SENP5: variants seen among roughly 807,000 people sequenced by gnomAD.
The protein encoded by SENP5 is SUMO specific peptidase 5.
SENP5 carries 21 observed loss-of-function variants against 74.2 expected under a neutral mutation model. The ratio of observed to expected loss-of-function variants is 0.28; its 90% CI spans 0.20 to 0.41. The LOEUF (loss-of-function observed/expected upper bound fraction) is 0.41. Ranked by LOEUF, SENP5 falls within the 10% of genes least tolerant of loss-of-function variation. The pLI, the probability that SENP5 is intolerant of heterozygous loss-of-function variation, is 1.00. For missense variants in SENP5, 717 were observed against 889.1 expected, an observed-to-expected ratio of 0.81 and a Z score of 2.46; for synonymous variants, 311 against 312.7, an observed-to-expected ratio of 0.99 and a Z score of 0.06.
intron 1 of SENP5, among the ~76,000 whole-genome samples, chr3:196,874,783 G>A (rs1713382061): frequency 6.6e-6 from 1 of 152,122 alleles, no homozygotes; most frequent in Admixed American, 6.6e-5. Context: ...GGAGCCTGAG[G>A]CAGGAGAATT....
At chr3:196,892,424 G>A (rs1714251190) in intron 2 of SENP5, among the ~76,000 whole-genome samples, 2 of 152,188 alleles carry the variant, frequency 1.3e-5, no homozygotes, top group South Asian at 4.1e-4. Flanking sequence ...TGGGATTACA[G>A]GCATGAGCCA....
chr3:196,922,655 C>G (rs1377765784), intron 6 of SENP5, among the ~76,000 whole-genome samples: 1 of 152,132 alleles, frequency 6.6e-6, no homozygotes, highest in East Asian at 1.9e-4. Context: ...AGGTCTGGCT[C>G]TGTCACCCAG....
intron 2 of SENP5, 140 bp downstream of exon 2, chr3:196,886,834 T>C: frequency 1.7e-6 from 1 of 588,134 alleles, no homozygotes; most frequent in Admixed American, 3.6e-5. Flanking sequence ...GCCTTTTATA[T>C]TGCTGCATTA....
chr3:196,921,979 T>C (rs2108861505), intron 6 of SENP5, among the ~76,000 whole-genome samples: 1 of 152,302 alleles, frequency 6.6e-6, no homozygotes, highest in Admixed American at 6.5e-5. Context: ...ACTCTACAAC[T>C]GGAATTTTGA....
intron 6 of SENP5, among the ~76,000 whole-genome samples, chr3:196,916,711 G>A (rs145019932): frequency 6.6e-6 from 1 of 151,932 alleles, no homozygotes; most frequent in African/African-American, 2.4e-5. Context: ...ATTTTTAGTA[G>A]AGACAGGGTT....
At chr3:196,916,340 C>CA (rs959227505) in intron 6 of SENP5, among the ~76,000 whole-genome samples, 28 of 151,080 alleles carry the variant, frequency 1.9e-4, no homozygotes, top group Middle Eastern at 3.4e-3. Flanking sequence ...AACAAACAAA[C>CA]AAAAAAAACA....
At chr3:196,880,930 C>G (rs931909629) in intron 1 of SENP5, among the ~76,000 whole-genome samples, 1 of 150,490 alleles carries the variant, frequency 6.6e-6, no homozygotes, top group African/African-American at 2.5e-5. Flanking sequence ...CATGAGCCAC[C>G]GCGCCTGGCC....
chr3:196,930,825 C>T lies in SENP5; in HGVS notation c.2170C>T (p.Leu724Phe). 6.2e-7 allele frequency: 1 copy of T among 1,613,118 alleles called. No individual in the cohort carries two copies. Residue 724 changes from leucine (L) to phenylalanine (F), a missense_variant, in exon 10 of 10, where the codon CTC becomes TTC. By Grantham distance (22) the Leu-to-Phe change is conservative (BLOSUM62 0). Transcript: ENST00000323460. ...TTTTTTTTTGCAGTACTGCAAGTGC[C>T]TCGCCTTAGAGCAGCCTTTCCAGTT... ...GVFVLQYCKC[L>F]ALEQPFQFSQ...
At chr3:196,899,027 A>G (rs1325340643) in intron 2 of SENP5, among the ~76,000 whole-genome samples, 1 of 151,056 alleles carries the variant, frequency 6.6e-6, no homozygotes, top group Non-Finnish European at 1.5e-5. Flanking sequence ...TGTAGTGAGC[A>G]GAGATCGTGC....
At chr3:196,922,955 G>C (rs972551265) in intron 6 of SENP5, among the ~76,000 whole-genome samples, 3 of 151,986 alleles carry the variant, frequency 2.0e-5, no homozygotes, top group Non-Finnish European at 4.4e-5. Flanking sequence ...GTCTCATTAT[G>C]TTGCCCAGGC....
chr3:196,903,755 A>C (rs1714792560), intron 6 of SENP5, 145 bp downstream of exon 6: 1 of 552,746 alleles, frequency 1.8e-6, no homozygotes, highest in East Asian at 3.0e-5. Context: ...TGTTTCTTTT[A>C]AATCTTATTG....
chr3:196,927,689 G>T, intron 7 of SENP5, 107 bp from the exon 8 acceptor site: 1 of 625,958 alleles, frequency 1.6e-6, no homozygotes, highest in South Asian at 2.0e-5. Flanking sequence ...ATTCTGCCCA[G>T]TTATGGGGCC....
intron 6 of SENP5, among the ~76,000 whole-genome samples, chr3:196,911,556 CA>C (rs148985317): frequency 0.31 from 29,761 of 96,858 alleles, 3,090 homozygotes; most frequent in South Asian, 0.45. Context: ...GACTTTGTCT[CA>C]AAAAAAAAAA....
chr3:196,907,120 C>G (rs1442025139), intron 6 of SENP5, among the ~76,000 whole-genome samples: 1 of 152,000 alleles, frequency 6.6e-6, no homozygotes, highest in African/African-American at 2.4e-5. Flanking sequence ...GAGGATTGTT[C>G]AAATTTAAAA....
chr3:196,890,824 T>A (rs1714170220), intron 2 of SENP5, among the ~76,000 whole-genome samples: 1 of 152,148 alleles, frequency 6.6e-6, no homozygotes, highest in Non-Finnish European at 1.5e-5. Flanking sequence ...AACACACAAA[T>A]ACATACACAA....
At position 196,886,666 on chromosome 3, in the gene SENP5, T is replaced by C. The variant is rs752896230; in HGVS notation, c.1485T>C (p.Asp495=). 7 of 1,576,606 alleles carry C rather than the reference T, an allele frequency of 4.4e-6. No individual in the cohort carries two copies. Among genetic ancestry groups the C allele is most frequent in the Non-Finnish European group, 5.2e-6 (6 of 1,164,478 alleles). The change falls in exon 2 of 10, where the codon GAT becomes GAC. Residue 495 remains aspartate (D), a synonymous_variant. Transcript: ENST00000323460. ...GKNSQKASPV[D]DEQLSVCLSG... ...ACAGTCAGAAAGCCTCTCCAGTGGA[T>C]GATGAACAGCTGTCAGTCTGTCTTT...
chr3:196,918,855 G>C (rs1715495214), intron 6 of SENP5, among the ~76,000 whole-genome samples: 2 of 142,488 alleles, frequency 1.4e-5, no homozygotes, highest in Admixed American at 6.7e-5. Context: ...GCCAAAAAAA[G>C]AGAGCAGAGT....
chr3:196,919,223 G>A (rs1427135168), intron 6 of SENP5, among the ~76,000 whole-genome samples: 1 of 152,260 alleles, frequency 6.6e-6, no homozygotes, highest in Admixed American at 6.5e-5. Context: ...GCTTACGCCT[G>A]TAATCCTATT....
At chr3:196,874,540 A>G (rs1284917115) in intron 1 of SENP5, among the ~76,000 whole-genome samples, 2 of 151,728 alleles carry the variant, frequency 1.3e-5, no homozygotes, top group Non-Finnish European at 2.9e-5. Flanking sequence ...TTTTGACCTT[A>G]TCTCCCTGGT....
Sources: gnomAD v4.1 joint callset for allele counts (sites outside exome capture counted in the v4.1 genomes callset) on GRCh38, gnomAD v4.1.1 for gene constraint, MANE v1.5 for transcripts, NCBI Gene and HGNC (gene_info 2026-07-23, HGNC 2026-07-21) for gene names.